The following LOC128125818 variants were observed in gnomAD, a reference collection of about 807,000 sequenced individuals.
At chr4:6,065,727 A>G in the LOC128125818 span, among the ~76,000 whole-genome samples, 17 of 152,332 alleles carry the variant, frequency 1.1e-4, no homozygotes, top group East Asian at 1.4e-3. The surrounding 1 kb of genome is among the most constrained non-coding windows in gnomAD (Gnocchi z 5.1). Context: ...GCTCTATGTG[A>G]CGGCCTCTGA....
the LOC128125818 span, chr4:6,065,098 G>C: frequency 6.6e-7 from 1 of 1,512,516 alleles, no homozygotes. The surrounding 1 kb of genome is among the most constrained non-coding windows in gnomAD (Gnocchi z 5.1). Flanking sequence ...GTGCAGGGGG[G>C]TGATGATTGA....
At chr4:6,067,155 A>T in the LOC128125818 span, among the ~76,000 whole-genome samples, 2 of 152,134 alleles carry the variant, frequency 1.3e-5, no homozygotes, top group African/African-American at 4.8e-5. This position sits in a 1 kb window ranked among gnomAD's most constrained non-coding sequence, Gnocchi z 4.6. Context: ...GTGTTTACTG[A>T]TGGTCTTCCC....
chr4:6,067,005 A>G, the LOC128125818 span, among the ~76,000 whole-genome samples: 1 of 152,046 alleles, frequency 6.6e-6, no homozygotes, highest in Non-Finnish European at 1.5e-5. This position sits in a 1 kb window ranked among gnomAD's most constrained non-coding sequence, Gnocchi z 4.6. Context: ...CTCTGCACAA[A>G]TGCAACCATA....
the LOC128125818 span, among the ~76,000 whole-genome samples, chr4:6,065,412 C>T: frequency 9.2e-5 from 14 of 152,208 alleles, no homozygotes; most frequent in South Asian, 2.1e-4. This position sits in a 1 kb window ranked among gnomAD's most constrained non-coding sequence, Gnocchi z 5.1. Context: ...CCATGAGCAG[C>T]GCACTGGCTG....
At chr4:6,065,859 G>A in the LOC128125818 span, among the ~76,000 whole-genome samples, 1 of 152,162 alleles carries the variant, frequency 6.6e-6, no homozygotes, top group South Asian at 2.1e-4. This position sits in a 1 kb window ranked among gnomAD's most constrained non-coding sequence, Gnocchi z 5.1. Flanking sequence ...CAGACACGGG[G>A]CAGGCCTGGG....
At chr4:6,068,813 G>T in the LOC128125818 span, among the ~76,000 whole-genome samples, 3 of 152,116 alleles carry the variant, frequency 2.0e-5, no homozygotes, top group Non-Finnish European at 4.4e-5. Flanking sequence ...CAAGTGATCC[G>T]TCTACCTCGA....
chr4:6,067,090 C>T, the LOC128125818 span, among the ~76,000 whole-genome samples: 1 of 152,174 alleles, frequency 6.6e-6, no homozygotes, highest in African/African-American at 2.4e-5. This position sits in a 1 kb window ranked among gnomAD's most constrained non-coding sequence, Gnocchi z 4.6. Context: ...GGGCCTCCTT[C>T]TTTATTCCTT....
the LOC128125818 span, among the ~76,000 whole-genome samples, chr4:6,066,070 G>A: frequency 2.0e-5 from 3 of 151,998 alleles, no homozygotes; most frequent in Non-Finnish European, 4.4e-5. Flanking sequence ...TTCAGACCAT[G>A]AAGAATGAAT....
At chr4:6,067,546 G>C in the LOC128125818 span, among the ~76,000 whole-genome samples, 2 of 150,972 alleles carry the variant, frequency 1.3e-5, no homozygotes, top group African/African-American at 4.9e-5. This position sits in a 1 kb window ranked among gnomAD's most constrained non-coding sequence, Gnocchi z 4.6. Context: ...ATCCCATGGT[G>C]ACAATGGCAC....
At chr4:6,070,113 C>G in the LOC128125818 span, 1 of 398,908 alleles carries the variant, frequency 2.5e-6, no homozygotes, top group Middle Eastern at 6.3e-4. Flanking sequence ...CACCAGGGCA[C>G]AGAGACACAG....
chr4:6,067,610 C>CT, the LOC128125818 span, among the ~76,000 whole-genome samples: 22 of 145,432 alleles, frequency 1.5e-4, no homozygotes, highest in Non-Finnish European at 3.2e-4. This position sits in a 1 kb window ranked among gnomAD's most constrained non-coding sequence, Gnocchi z 4.6. Context: ...CACAGGTCAC[C>CT]CCCCTGAGCT....
At chr4:6,067,020 A>G in the LOC128125818 span, among the ~76,000 whole-genome samples, 3 of 152,064 alleles carry the variant, frequency 2.0e-5, no homozygotes, top group African/African-American at 4.8e-5. The surrounding 1 kb of genome is among the most constrained non-coding windows in gnomAD (Gnocchi z 4.6). Flanking sequence ...ACCATATGAG[A>G]AAAGGCTTCC....
chr4:6,066,859 C>G, the LOC128125818 span, among the ~76,000 whole-genome samples: 16 of 152,308 alleles, frequency 1.1e-4, no homozygotes, highest in East Asian at 2.9e-3. Context: ...ACCTCCCATC[C>G]TGCCCTGGCA....
chr4:6,066,773 A>C, the LOC128125818 span, among the ~76,000 whole-genome samples: 2 of 151,472 alleles, frequency 1.3e-5, no homozygotes, highest in South Asian at 4.2e-4. Flanking sequence ...AGCCACCAAT[A>C]TCTCTCTCTC....
chr4:6,066,717 C>A, the LOC128125818 span, among the ~76,000 whole-genome samples: 2 of 152,046 alleles, frequency 1.3e-5, no homozygotes, highest in African/African-American at 2.4e-5. Flanking sequence ...ACTCAAAATC[C>A]AGCCCTCTCT....
chr4:6,067,612 C>G, the LOC128125818 span, among the ~76,000 whole-genome samples: 1 of 148,780 alleles, frequency 6.7e-6, no homozygotes, highest in Non-Finnish European at 1.5e-5. This position sits in a 1 kb window ranked among gnomAD's most constrained non-coding sequence, Gnocchi z 4.6. Flanking sequence ...CAGGTCACCC[C>G]CCTGAGCTCC....
At chr4:6,066,919 C>T in the LOC128125818 span, among the ~76,000 whole-genome samples, 1 of 152,200 alleles carries the variant, frequency 6.6e-6, no homozygotes, top group African/African-American at 2.4e-5. Context: ...CCCACACACA[C>T]CTGCCATGGG....
the LOC128125818 span, among the ~76,000 whole-genome samples, chr4:6,067,744 G>GCACACACA: frequency 6.5e-5 from 9 of 137,920 alleles, no homozygotes; most frequent in African/African-American, 2.6e-4. The surrounding 1 kb of genome is among the most constrained non-coding windows in gnomAD (Gnocchi z 4.6). Flanking sequence ...AAGCTCTTCT[G>GCACACACA]CACACGCAGG....
chr4:6,068,684 A>G, the LOC128125818 span, among the ~76,000 whole-genome samples: 2 of 151,650 alleles, frequency 1.3e-5, no homozygotes, highest in African/African-American at 4.9e-5. Flanking sequence ...CAGCCTCCCA[A>G]GTAGCTGGGA....
Sources: gnomAD v4.1 joint callset for allele counts (sites outside exome capture counted in the v4.1 genomes callset) on GRCh38, gnomAD v4.1.1 for gene constraint, Gnocchi (gnomAD v3.1) non-coding constraint, MANE v1.5 for transcripts.